The following MPP3 variants were observed in gnomAD, a reference collection of about 807,000 sequenced individuals.
MPP3 encodes MAGUK p55 scaffold protein 3, also known as MAGUK p55 subfamily member 3.
Under a neutral mutation model 80.7 loss-of-function variants are expected in MPP3, and 48 were observed. The ratio of observed to expected loss-of-function variants is 0.59; its 90% confidence interval spans 0.47 to 0.76. The LOEUF (loss-of-function observed/expected upper bound fraction) is 0.76. Among genes scored for constraint, MPP3 ranks in the 30% least tolerant of loss-of-function variants. The probability of loss-of-function intolerance (pLI) is 0.00; values close to 1 mark genes in which losing one functional copy is unlikely to be tolerated. For synonymous variants in MPP3, 311 were observed against 297.6 expected (o/e 1.04, Z -0.46); for missense variants, 620 against 763.0 (o/e 0.81, Z 2.21).
chr17:43,824,795 A>G (rs1269081298), intron 9 of MPP3, among the ~76,000 whole-genome samples: 2 of 152,128 alleles, frequency 1.3e-5, no homozygotes, highest in Non-Finnish European at 2.9e-5. Context: ...GTTTTTTGAG[A>G]TGGAGTTTTG....
At position 43,830,434 on chromosome 17, in the gene MPP3, T is replaced by C. The variant is rs559107670; in HGVS notation, c.223-327A>G. ...ATGAGAATCCTGAGACTCAAAGAGA[T>C]TAAACATTTTGCCCGAAGTCACAGA... On this transcript the variant is annotated intron_variant, in intron 5 of 19. Coordinates refer to ENST00000398389, the MANE Select transcript of MPP3 (RefSeq NM_001932.6). Among the ~76,000 whole-genome samples, 23 of 152,278 alleles carry C rather than the reference T, an allele frequency of 1.5e-4. No individual in the cohort carries two copies. The East Asian group carries it at 4.4e-3, about 29-fold the overall frequency.
At chr17:43,831,837 T>C (rs371807403) in intron 3 of MPP3, 45 bp downstream of exon 3, 2 of 1,565,554 alleles carry the variant, frequency 1.3e-6, no homozygotes, top group South Asian at 2.3e-5. Context: ...AGGCAGGCTC[T>C]TGTCTTCAGG....
At chr17:43,809,523 A>G (rs2044755626) in intron 18 of MPP3, among the ~76,000 whole-genome samples, 1 of 152,246 alleles carries the variant, frequency 6.6e-6, no homozygotes, top group South Asian at 2.1e-4. Context: ...TATTCAAAGA[A>G]GAAAAGGTTT....
rs772943969 is a variant in MPP3, at chr17:43,810,790, C to T, written c.1458+17G>A. ...AATTCCGTTAACCAGAAATGGCCAG[C>T]AGGCCCAGCAACTCACTTCTGGCTC... is the stretch of plus-strand genomic sequence containing the variant. On this transcript the variant is annotated intron_variant, in intron 18 of 19. Transcript: ENST00000398389. 7.8e-5 allele frequency: 121 copies of T among 1,552,906 alleles called. 1 individual carries two copies. The South Asian group carries it at 1.4e-3, about 18-fold the overall frequency.
At chr17:43,816,179 G>A in intron 13 of MPP3, 100 bp from the exon 14 acceptor site, 1 of 1,041,244 alleles carries the variant, frequency 9.6e-7, no homozygotes, top group South Asian at 1.7e-5. Flanking sequence ...GAGCCCCCTG[G>A]GATGGTGTCT....
chr17:43,807,324 T>G (rs2154591138), intron 19 of MPP3, among the ~76,000 whole-genome samples: 1 of 151,868 alleles, frequency 6.6e-6, no homozygotes, highest in South Asian at 2.1e-4. Context: ...ACATTTTTTT[T>G]TTTTTGAGAC....
At chr17:43,822,780 G>A (rs1354327275) in intron 10 of MPP3, among the ~76,000 whole-genome samples, 1 of 151,412 alleles carries the variant, frequency 6.6e-6, no homozygotes, top group African/African-American at 2.4e-5. Flanking sequence ...AGTGCAGCCT[G>A]GGCTGACTTC....
At chr17:43,821,132 C>G in intron 10 of MPP3, 74 bp from the exon 11 acceptor site, 1 of 1,436,598 alleles carries the variant, frequency 7.0e-7, no homozygotes, top group South Asian at 1.2e-5. Context: ...CATCAAAGGC[C>G]ACATGACAAC....
chr17:43,825,755 C>T lies in MPP3; in HGVS notation c.609+1G>A, dbSNP rs2045664656. ...ATCCCTAGCAGGCTTGTAGCACGGA[C>T]CAGAATCTGGCTGATCTCGTCGGGC... On this transcript the variant is annotated splice_donor_variant, in intron 9 of 19. Transcript: ENST00000398389. LOFTEE classifies it high-confidence loss of function. 6.2e-7 allele frequency: 1 copy of T among 1,605,706 alleles called. No individual in the cohort carries two copies. Among genetic ancestry groups the T allele is most frequent in the Non-Finnish European group, 8.5e-7 (1 of 1,172,276 alleles).
At position 43,820,900 on chromosome 17, in the gene MPP3, A is replaced by C. The variant is rs779002436; in HGVS notation, c.843T>G (p.Leu281=). ...CCTTGGAGGGGATGAGGCCGGCTCG[A>C]AGGTTGGTGTCCCCGACTCGCTTGG... The part of the protein sequence containing the change: ...WQAKRVGDTN[L]RAGLIPSKGF... Residue 281 remains leucine, a synonymous_variant, in exon 11 of 20, where the codon CTT becomes CTG. Transcript: ENST00000398389. The C allele has an allele frequency of 6.2e-7, 1 of 1,614,106 alleles. No homozygotes were observed. The highest frequency in any genetic ancestry group is 8.5e-7 in the Non-Finnish European group (1 of 1,180,006).
chr17:43,803,046 C>T (rs1287992003), intron 19 of MPP3, among the ~76,000 whole-genome samples: 3 of 152,084 alleles, frequency 2.0e-5, no homozygotes, highest in South Asian at 2.1e-4. Flanking sequence ...GGAAAAAATT[C>T]GATTAAATTG....
intron 19 of MPP3, among the ~76,000 whole-genome samples, chr17:43,802,845 ACCTACATTC>A (rs1358583208): frequency 1.3e-5 from 2 of 151,960 alleles, no homozygotes; most frequent in East Asian, 3.9e-4. Flanking sequence ...TCCCAAAGAG[ACCTACATTC>A]CAAATATTCC....
At chr17:43,804,214 T>C (rs749289162) in intron 19 of MPP3, among the ~76,000 whole-genome samples, 8 of 152,212 alleles carry the variant, frequency 5.3e-5, no homozygotes, top group Non-Finnish European at 7.3e-5. Context: ...AATGGGCAGA[T>C]TGATCCTAAA....
At chr17:43,812,690 CTG>C (rs1050849860) in intron 16 of MPP3, among the ~76,000 whole-genome samples, 4 of 152,218 alleles carry the variant, frequency 2.6e-5, no homozygotes, top group Admixed American at 6.5e-5. Flanking sequence ...AGTCTCCTAT[CTG>C]TGGAGTGCCT....
intron 16 of MPP3, 80 bp downstream of exon 16, chr17:43,813,931 G>A (rs1237590474): frequency 8.5e-6 from 10 of 1,173,360 alleles, no homozygotes; most frequent in African/African-American, 1.5e-5. Context: ...TAAGGATTTG[G>A]ATGGATCTGG....
At chr17:43,830,757 G>T (rs1328722760) in intron 5 of MPP3, among the ~76,000 whole-genome samples, 1 of 152,214 alleles carries the variant, frequency 6.6e-6, no homozygotes, top group Non-Finnish European at 1.5e-5. Context: ...AACCAGAATG[G>T]GTTTTCCCCA....
intron 19 of MPP3, among the ~76,000 whole-genome samples, chr17:43,802,924 T>G (rs776636070): frequency 1.3e-5 from 2 of 152,130 alleles, no homozygotes; most frequent in Non-Finnish European, 2.9e-5. Flanking sequence ...CATCTGAAAT[T>G]TCAGGATTCG....
intron 12 of MPP3, among the ~76,000 whole-genome samples, chr17:43,817,760 C>G (rs2154591308): frequency 6.6e-6 from 1 of 152,332 alleles, no homozygotes; most frequent in South Asian, 2.1e-4. Context: ...TGGATCCTCA[C>G]ACGCACATGC....
At chr17:43,817,919 A>C in intron 12 of MPP3, 127 bp downstream of exon 12, 16 of 285,178 alleles carry the variant, frequency 5.6e-5, no homozygotes, top group East Asian at 4.5e-4. Context: ...CTTCCTCTGG[A>C]GTCCATGAGC....
Sources: allele counts gnomAD v4.1 joint callset (sites outside exome capture counted in the v4.1 genomes callset), GRCh38; gene constraint gnomAD v4.1.1; transcripts MANE v1.5; gene names NCBI Gene and HGNC (gene_info 2026-07-23, HGNC 2026-07-21).